The following FAM91A1 variants were observed in gnomAD, a reference collection of about 807,000 sequenced individuals.
The protein encoded by FAM91A1 is protein FAM91A1.
Under a neutral mutation model 113.5 loss-of-function variants are expected in FAM91A1, and 41 were observed. That is an observed-to-expected ratio of 0.36 (90% confidence interval 0.28 to 0.47). The LOEUF is 0.47. Among genes scored for constraint, FAM91A1 ranks in the 20% least tolerant of loss-of-function variants. The pLI is 1.00. For missense variants in FAM91A1, 696 were observed against 1,001.2 expected (o/e 0.70, Z 4.11); for synonymous variants, 307 against 347.9 (o/e 0.88, Z 1.31).
chr8:123,785,890 T>C (rs1426061341), intron 11 of FAM91A1, 149 bp downstream of exon 11: 5 of 517,366 alleles, frequency 9.7e-6, no homozygotes, highest in East Asian at 4.0e-5. Flanking sequence ...CGATCTCGGC[T>C]CACTGCAACC....
In FAM91A1 at chr8:123,778,032, G is replaced by A. The variant is rs372630069; in HGVS notation, c.375G>A (p.Arg125=). The stretch of plus-strand genomic sequence containing the variant: ...AAAGACTCTTTTTTTCAGGTCTAAG[G>A]CTTCTTGGCATAGGAAGAAACCAGT... ...LPNFTAADCL[R]LLGIGRNQYI... The change falls in exon 5 of 24, where the codon AGG becomes AGA. Residue 125 remains arginine (R), a synonymous_variant. Coordinates refer to ENST00000334705, the MANE Select transcript of FAM91A1 (RefSeq NM_144963.4). The A allele has an allele frequency of 2.1e-4, 338 of 1,612,118 alleles. 3 individuals are homozygous for A. Among genetic ancestry groups the A allele is most frequent in the South Asian group, 5.5e-4 (50 of 91,000 alleles).
chr8:123,780,107 A>G (rs767339086), intron 7 of FAM91A1, 32 bp downstream of exon 7: 13 of 1,580,726 alleles, frequency 8.2e-6, no homozygotes, highest in Non-Finnish European at 1.1e-5. Context: ...TCTTTTGTCA[A>G]CATAAAAACT....
chr8:123,783,470 G>A (rs1815172107), intron 8 of FAM91A1, among the ~76,000 whole-genome samples: 2 of 152,248 alleles, frequency 1.3e-5, no homozygotes, highest in South Asian at 2.1e-4. Context: ...AATGACATGA[G>A]CCAGATCTGT....
Position 123,795,502 on chromosome 8 carries a change from C to T in FAM91A1, c.1412-2588C>T, listed in dbSNP as rs944883300. 2.6e-5 allele frequency among the ~76,000 whole-genome samples: 4 copies of T among 152,058 alleles called. No homozygotes were observed. The South Asian group carries it at 8.3e-4, about 32-fold the overall frequency. On this transcript the variant is annotated intron_variant, in intron 15 of 23. Transcript: ENST00000334705. ...CTCCGGCCATGTTAAGATGTGCCTGCTTCCCTTTCACCTTCTGCCATGATT... is the reference window on the plus strand; with the variant it reads ...CTCCGGCCATGTTAAGATGTGCCTGTTTCCCTTTCACCTTCTGCCATGATT...
rs1815879824 is a variant in FAM91A1 at position 123,808,919 on chromosome 8, C to T, written c.2164C>T (p.Pro722Ser). 1 of 1,610,926 alleles carries T rather than the reference C, an allele frequency of 6.2e-7. No individual in the cohort carries two copies. Among genetic ancestry groups the T allele is most frequent in the African/African-American group, 1.3e-5 (1 of 74,812 alleles). The change falls in exon 22 of 24, where the codon CCT becomes TCT. Residue 722 changes from proline to serine, a missense_variant. Transcript: ENST00000334705. ...TGCCACAACAGAAGCAGATTGGGTT[C>T]CTCTCGAGCTGTGCTTTGGAATTCC... ...SGATTEADWV[P>S]LELCFGIPLF...
At chr8:123,799,336 A>G (rs187948478) in intron 16 of FAM91A1, among the ~76,000 whole-genome samples, 184 bp from the exon 17 acceptor site, 86 of 152,332 alleles carry the variant, frequency 5.6e-4, no homozygotes, top group Admixed American at 1.7e-3. Context: ...AATTGCAGTG[A>G]CAAGACATAA....
At chr8:123,809,306 A>G (rs747417237) in intron 22 of FAM91A1, among the ~76,000 whole-genome samples, 2 of 152,206 alleles carry the variant, frequency 1.3e-5, no homozygotes, top group African/African-American at 4.8e-5. Flanking sequence ...GATATGGAGT[A>G]TGAACCTAGA....
intron 15 of FAM91A1, among the ~76,000 whole-genome samples, chr8:123,790,242 G>C (rs912980632): frequency 6.6e-6 from 1 of 152,174 alleles, no homozygotes; most frequent in African/African-American, 2.4e-5. Context: ...CAATTTTAAG[G>C]TATTGATGAA....
chr8:123,770,105 A>C (rs1330318436), intron 1 of FAM91A1, among the ~76,000 whole-genome samples: 1 of 151,972 alleles, frequency 6.6e-6, no homozygotes, highest in East Asian at 1.9e-4. Flanking sequence ...GGTGCGCGCC[A>C]CCACGCCCAG....
At position 123,799,656 on chromosome 8, in the gene FAM91A1, T is replaced by TA. The variant is rs1230353878; in HGVS notation, c.1695+3dup. ...CGAAAACTGCCAGATATATTTCAGG[T>TA]ATGTGTGGGAGGTTTGGGTGGTTTT... On this transcript the variant is annotated splice_region_variant and intron_variant, in intron 17 of 23. Transcript: ENST00000334705. The TA allele has an allele frequency of 6.2e-7, 1 of 1,613,844 alleles. No homozygotes were observed. Among genetic ancestry groups the TA allele is most frequent in the South Asian group, 1.1e-5 (1 of 91,002 alleles).
chr8:123,785,571 A>T, intron 10 of FAM91A1, 58 bp from the exon 11 acceptor site: 1 of 1,159,628 alleles, frequency 8.6e-7, no homozygotes, highest in Non-Finnish European at 1.3e-6. Flanking sequence ...TTCTCTACAA[A>T]TATTGTGATG....
At chr8:123,777,443 G>A in intron 4 of FAM91A1, 121 bp downstream of exon 4, 2 of 852,138 alleles carry the variant, frequency 2.3e-6, no homozygotes, top group Middle Eastern at 2.3e-4. Flanking sequence ...AGAACAGTAA[G>A]CAACATTATC....
chr8:123,805,452 G>A (rs1188252602), intron 19 of FAM91A1, 113 bp downstream of exon 19: 7 of 865,806 alleles, frequency 8.1e-6, no homozygotes, highest in Non-Finnish European at 1.1e-5. Context: ...TAAGTTCTAG[G>A]TTCTTTGCTA....
chr8:123,805,579 G>C (rs1815784220), intron 19 of FAM91A1, among the ~76,000 whole-genome samples: 1 of 152,146 alleles, frequency 6.6e-6, no homozygotes, highest in African/African-American at 2.4e-5. Flanking sequence ...TTGGAATAAA[G>C]AGAATAAGTA....
Position 123,806,118 on chromosome 8 carries a change from C to A in FAM91A1, c.1921C>A (p.Gln641Lys). 6.2e-7 allele frequency: 1 copy of A among 1,611,018 alleles called. No individual in the cohort carries two copies. Among genetic ancestry groups the A allele is most frequent in the South Asian group, 1.1e-5 (1 of 90,732 alleles). The change falls in exon 20 of 24, where the codon CAG becomes AAG. Residue 641 changes from glutamine (Q) to lysine (K), a missense_variant. By Grantham distance (53) the Gln-to-Lys change is moderately conservative (BLOSUM62 1). Coordinates refer to ENST00000334705, the MANE Select transcript of FAM91A1 (RefSeq NM_144963.4). The stretch of plus-strand genomic sequence containing the variant: ...CAATATGGGTGTTCATAAAGCATTG[C>A]AGATACTAAGGAACAGAGTGGACTT... ...RVNMGVHKAL[Q>K]ILRNRVDLQH...
chr8:123,780,576 G>T, intron 8 of FAM91A1, 34 bp downstream of exon 8: 1 of 1,561,080 alleles, frequency 6.4e-7, no homozygotes, highest in South Asian at 1.1e-5. Context: ...ACTGTTTTTT[G>T]AATGGATATC....
At chr8:123,788,217 G>T (rs2130096036) in intron 14 of FAM91A1, 2 of 985,250 alleles carry the variant, frequency 2.0e-6, no homozygotes, top group Non-Finnish European at 2.4e-6. Context: ...GAAGACTTCA[G>T]CCATATTTGC....
intron 15 of FAM91A1, among the ~76,000 whole-genome samples, chr8:123,791,653 C>T (rs1815387876): frequency 6.6e-6 from 1 of 152,120 alleles, no homozygotes; most frequent in Admixed American, 6.5e-5. Context: ...ACCAGCATTT[C>T]TTAGCTTAGC....
intron 4 of FAM91A1, 23 bp from the exon 5 acceptor site, chr8:123,778,002 A>G (rs1815029108): frequency 2.5e-6 from 4 of 1,599,312 alleles, no homozygotes; most frequent in Non-Finnish European, 3.4e-6. Context: ...AAATGTTTTT[A>G]AAGGAAAGAC....
Sources: gnomAD v4.1 joint callset for allele counts (sites outside exome capture counted in the v4.1 genomes callset) on GRCh38, gnomAD v4.1.1 for gene constraint, MANE v1.5 for transcripts, NCBI Gene and HGNC (gene_info 2026-07-23, HGNC 2026-07-21) for gene names.